NCBP1: variants seen among roughly 807,000 people sequenced by gnomAD.
The protein encoded by NCBP1 is nuclear cap-binding protein subunit 1.
Under a neutral mutation model 111.7 loss-of-function variants are expected in NCBP1, and 16 were observed. The ratio of observed to expected loss-of-function variants is 0.14; its 90% CI spans 0.10 to 0.22. NCBP1 has a LOEUF of 0.22. Ranked by LOEUF, NCBP1 falls within the 10% of genes least tolerant of loss-of-function variation. The pLI, the probability that NCBP1 is intolerant of heterozygous loss-of-function variation, is 1.00. For missense variants in NCBP1, 607 were observed against 957.5 expected (o/e 0.63, Z 4.83); for synonymous variants, 304 against 314.3 (o/e 0.97, Z 0.35).
intron 14 of NCBP1, 128 bp from the exon 15 acceptor site, chr9:97,658,512 T>TC: frequency 4.3e-6 from 3 of 692,816 alleles, no homozygotes; most frequent in Non-Finnish European, 7.5e-6. Flanking sequence ...GATTTTTTTT[T>TC]CCCTTTCACT....
intron 20 of NCBP1, among the ~76,000 whole-genome samples, 157 bp downstream of exon 20, chr9:97,667,034 A>G (rs1350613413): frequency 6.6e-6 from 1 of 152,222 alleles, no homozygotes; most frequent in Non-Finnish European, 1.5e-5. Flanking sequence ...CAGAAGCAGA[A>G]GAGGAGGAAG....
intron 14 of NCBP1, among the ~76,000 whole-genome samples, chr9:97,656,712 C>G (rs138525443): frequency 0.011 from 1,673 of 152,188 alleles, 20 homozygotes; most frequent in African/African-American, 0.037. Flanking sequence ...TTCGTCTCTC[C>G]CTAGAGACCC....
At chr9:97,658,439 C>T (rs572450640) in intron 14 of NCBP1, among the ~76,000 whole-genome samples, 3 of 152,352 alleles carry the variant, frequency 2.0e-5, no homozygotes, top group Admixed American at 6.5e-5. Context: ...CACCTCAGTG[C>T]AAGCCAGTGA....
chr9:97,651,165 A>G, intron 9 of NCBP1, 145 bp from the exon 10 acceptor site: 1 of 528,282 alleles, frequency 1.9e-6, no homozygotes, highest in Non-Finnish European at 3.1e-6. Flanking sequence ...AATTTATGCC[A>G]TAGTTAAATG....
At position 97,647,632 on chromosome 9, in the gene NCBP1, A is replaced by G. The variant is rs1827382915; in HGVS notation, c.681+71A>G. ...GAATAGATTCTTATCTCTGTAAGATACTCAGACCATTCCATTTTACCCTTT... is the reference window on the plus strand; with the variant it reads ...GAATAGATTCTTATCTCTGTAAGATGCTCAGACCATTCCATTTTACCCTTT... On this transcript the variant is annotated intron_variant, in intron 7 of 22. Transcript: ENST00000375147. 4.7e-6 allele frequency: 6 copies of G among 1,268,118 alleles called. No homozygotes were observed. In the South Asian group the frequency reaches 6.2e-5, roughly 13 times the overall value. The allele number at this position is 1,268,118 out of a possible 1,614,324, so 78.6% of individuals were successfully genotyped here. A position where few individuals can be genotyped will look rare whatever the true frequency, so the allele number is the denominator to read the frequency against.
intron 1 of NCBP1, among the ~76,000 whole-genome samples, chr9:97,639,945 T>TA (rs1827159722): frequency 9.9e-6 from 1 of 101,340 alleles, no homozygotes. Flanking sequence ...TTAAAAAACA[T>TA]AGAGATTATT....
At chr9:97,646,839 CAAAA>C (rs1199961668) in intron 6 of NCBP1, among the ~76,000 whole-genome samples, 6,370 of 55,338 alleles carry the variant, frequency 0.12, 320 homozygotes, top group African/African-American at 0.29. Flanking sequence ...GACTCCGTCT[CAAAA>C]AAAAAAAAAA....
At position 97,660,982 on chromosome 9, in the gene NCBP1, C is replaced by G. The variant is rs1827818809; in HGVS notation, c.1514C>G (p.Ala505Gly). 6.2e-7 allele frequency: 1 copy of G among 1,612,610 alleles called. No homozygotes were observed. The stretch of plus-strand genomic sequence containing the variant: ...GGACATTCTGTTGCCCTCTGTTTAG[C>G]TGTTGCCTTTAAAAGTAAGGCAACC... ...LPGHSVALCL[A>G]VAFKSKATND... Residue 505 changes from alanine (A) to glycine (G), a missense_variant, in exon 16 of 23, where the codon GCT becomes GGT. Ala to Gly is a moderately conservative substitution (Grantham distance 60). Coordinates refer to ENST00000375147, the MANE Select transcript of NCBP1 (RefSeq NM_002486.5).
At chr9:97,668,266 C>T (rs1168598666) in intron 20 of NCBP1, among the ~76,000 whole-genome samples, 1 of 152,132 alleles carries the variant, frequency 6.6e-6, no homozygotes, top group Non-Finnish European at 1.5e-5. Context: ...ATAAACCATG[C>T]CTTGTTTTTC....
chr9:97,670,274 C>CA (rs1476609029), intron 22 of NCBP1, among the ~76,000 whole-genome samples: 1 of 152,004 alleles, frequency 6.6e-6, no homozygotes, highest in African/African-American at 2.4e-5. Context: ...ATGTAGAGGA[C>CA]AAAAATATCA....
chr9:97,658,775 A>G (rs1827745559), intron 15 of NCBP1, 32 bp downstream of exon 15: 2 of 1,472,876 alleles, frequency 1.4e-6, no homozygotes, highest in Non-Finnish European at 1.9e-6. Flanking sequence ...TCTGTCTTTA[A>G]AAGGTACCAG....
intron 8 of NCBP1, among the ~76,000 whole-genome samples, chr9:97,648,460 G>A (rs768294163): frequency 6.6e-5 from 10 of 152,202 alleles, no homozygotes; most frequent in Non-Finnish European, 1.3e-4. Flanking sequence ...CAGGCTAAGA[G>A]TGTGGGTTTT....
chr9:97,636,242 T>G (rs1827021231), intron 1 of NCBP1, among the ~76,000 whole-genome samples: 1 of 152,120 alleles, frequency 6.6e-6, no homozygotes, highest in African/African-American at 2.4e-5. Context: ...TTTGGATGCT[T>G]TCCTTTTAGT....
intron 4 of NCBP1, 149 bp downstream of exon 4, chr9:97,643,509 C>A: frequency 1.2e-6 from 1 of 808,160 alleles, no homozygotes; most frequent in Non-Finnish European, 1.8e-6. Flanking sequence ...ACGATACCCC[C>A]AAATCTGTAA....
Position 97,664,325 on chromosome 9 carries a change from A to G in NCBP1, c.1798-15A>G, listed in dbSNP as rs142690954. 9.6e-4 allele frequency: 1,462 copies of G among 1,526,036 alleles called. 11 individuals are homozygous for G. The African/African-American group carries it at 0.012, about 12-fold the overall frequency. 94.5% of individuals were successfully genotyped at this position (1,526,036 alleles called of 1,614,324 possible). On this transcript the variant is annotated splice_polypyrimidine_tract_variant and intron_variant, in intron 18 of 22. Coordinates refer to ENST00000375147, the MANE Select transcript of NCBP1 (RefSeq NM_002486.5). ...TGTGTGTGTGTGATTTACTTGAATAATTCTCTCATTGTAGATGATTGCTGT... is the reference window on the plus strand; with the variant it reads ...TGTGTGTGTGTGATTTACTTGAATAGTTCTCTCATTGTAGATGATTGCTGT...
At chr9:97,650,685 G>A in intron 9 of NCBP1, 85 bp downstream of exon 9, 4 of 1,154,154 alleles carry the variant, frequency 3.5e-6, no homozygotes, top group South Asian at 2.8e-5. Flanking sequence ...TGTTGAGAGT[G>A]TAAGAAAATT....
chr9:97,661,127 A>AC, intron 16 of NCBP1, 59 bp downstream of exon 16: 1 of 1,592,316 alleles, frequency 6.3e-7, no homozygotes, highest in Non-Finnish European at 8.5e-7. Context: ...TAAAGCATAA[A>AC]CATAACTCTG....
chr9:97,656,481 A>C (rs1827657911), intron 14 of NCBP1, among the ~76,000 whole-genome samples: 1 of 152,282 alleles, frequency 6.6e-6, no homozygotes, highest in African/African-American at 2.4e-5. Context: ...TGGGAGGTTG[A>C]GGGAGAGTCC....
chr9:97,650,908 T>G (rs952528135), intron 9 of NCBP1, among the ~76,000 whole-genome samples: 1 of 151,978 alleles, frequency 6.6e-6, no homozygotes, highest in Non-Finnish European at 1.5e-5. Context: ...TTTTGCTCTG[T>G]TTTCTAGCAT....
Sources: gnomAD v4.1 joint callset for allele counts (sites outside exome capture counted in the v4.1 genomes callset) on GRCh38, gnomAD v4.1.1 for gene constraint, MANE v1.5 for transcripts, NCBI Gene and HGNC (gene_info 2026-07-23, HGNC 2026-07-21) for gene names.